CUL1: variants seen among roughly 807,000 people sequenced by gnomAD.
CUL1 encodes cullin 1, also known as cullin-1.
Under a neutral mutation model 118.0 loss-of-function variants are expected in CUL1, and 24 were observed. That is an observed-to-expected ratio of 0.20 (90% CI 0.15 to 0.29). The LOEUF (loss-of-function observed/expected upper bound fraction) is 0.29, where lower values mean the gene tolerates loss of function less well. CUL1 is among the 10% of genes least tolerant of loss of function. CUL1 has a pLI of 1.00. For missense variants in CUL1, 361 were observed against 933.8 expected (o/e 0.39, Z 7.99); for synonymous variants, 332 against 340.4 (o/e 0.98, Z 0.27).
Position 148,784,217 on chromosome 7 carries a change from G to A in CUL1, c.1298+140G>A, listed in dbSNP as rs555915082. ...ATGAGAAAAATGCTTAAACATAATC[G>A]TCCTTGCCGTTGAAAATCTGCATTC... On this transcript the variant is annotated intron_variant, in intron 11 of 21. Coordinates refer to ENST00000325222, the MANE Select transcript of CUL1 (RefSeq NM_003592.3). 22 of 689,454 alleles carry A rather than the reference G, an allele frequency of 3.2e-5. 2 individuals are homozygous for A. In the South Asian group the frequency reaches 3.7e-4, roughly 12 times the overall value. 42.7% of individuals were successfully genotyped at this position (689,454 alleles called of 1,614,324 possible). A position where few individuals can be genotyped will look rare whatever the true frequency, so the allele number is the denominator to read the frequency against.
At chr7:148,791,165 TTAAAG>T (rs1240048112) in intron 16 of CUL1, among the ~76,000 whole-genome samples, 2 of 152,160 alleles carry the variant, frequency 1.3e-5, no homozygotes, top group African/African-American at 2.4e-5. Flanking sequence ...TAGATATTTT[TTAAAG>T]TAAAAAGAAA....
intron 7 of CUL1, among the ~76,000 whole-genome samples, chr7:148,761,236 G>T (rs1799818215): frequency 6.6e-6 from 1 of 152,168 alleles, no homozygotes; most frequent in South Asian, 2.1e-4. Flanking sequence ...GGCTGGGCGT[G>T]GTGGCTCATG....
intron 2 of CUL1, among the ~76,000 whole-genome samples, chr7:148,734,607 G>C (rs552834084): frequency 6.6e-6 from 1 of 152,104 alleles, no homozygotes; most frequent in Non-Finnish European, 1.5e-5. Flanking sequence ...ATAATACCAG[G>C]TTTCTTTCCT....
At chr7:148,762,040 T>C (rs760299319) in intron 7 of CUL1, among the ~76,000 whole-genome samples, 7 of 152,154 alleles carry the variant, frequency 4.6e-5, no homozygotes, top group African/African-American at 1.4e-4. Flanking sequence ...TCACCTCCTG[T>C]TGTGCGGCCC....
intron 2 of CUL1, among the ~76,000 whole-genome samples, chr7:148,748,871 T>A: frequency 6.6e-6 from 1 of 152,270 alleles, no homozygotes; most frequent in African/African-American, 2.4e-5. Context: ...ATTTTGGAAA[T>A]CTAAACTGTT....
chr7:148,720,166 A>G (rs1351319386), intron 1 of CUL1, among the ~76,000 whole-genome samples: 9 of 152,154 alleles, frequency 5.9e-5, no homozygotes, highest in Admixed American at 3.3e-4. Context: ...GGTGTGGGTA[A>G]ATAAAACGCA....
intron 9 of CUL1, 82 bp downstream of exon 9, chr7:148,767,831 C>G: frequency 7.3e-7 from 1 of 1,374,482 alleles, no homozygotes; most frequent in Non-Finnish European, 1.0e-6. Flanking sequence ...GTCTCTACTT[C>G]CAAATCTAAA....
At chr7:148,752,496 T>G (rs544693668) in intron 2 of CUL1, among the ~76,000 whole-genome samples, 16 of 152,310 alleles carry the variant, frequency 1.1e-4, no homozygotes, top group African/African-American at 3.8e-4. Flanking sequence ...TTATTAGGTT[T>G]GGGGGCATTA....
upstream of CUL1, chr7:148,698,881 G>A: frequency 6.4e-6 from 1 of 155,410 alleles, no homozygotes; most frequent in Non-Finnish European, 1.4e-5. Flanking sequence ...GAGGAGGCGG[G>A]CGCCGTGTCG....
intron 1 of CUL1, among the ~76,000 whole-genome samples, chr7:148,709,994 G>C (rs545606783): frequency 6.6e-6 from 1 of 152,162 alleles, no homozygotes; most frequent in East Asian, 1.9e-4. Context: ...GAGGTGGGGG[G>C]ATCGCTTGAG....
chr7:148,782,146 C>G (rs1334808619), intron 9 of CUL1, among the ~76,000 whole-genome samples: 1 of 152,174 alleles, frequency 6.6e-6, no homozygotes, highest in Non-Finnish European at 1.5e-5. Context: ...TGTGAATGTT[C>G]TGGAATAATT....
chr7:148,725,109 AG>A (rs1798518499), intron 1 of CUL1, among the ~76,000 whole-genome samples: 1 of 152,144 alleles, frequency 6.6e-6, no homozygotes, highest in South Asian at 2.1e-4. Context: ...TTATTGTCCC[AG>A]GCAGTTTTAC....
At chr7:148,753,589 A>G (rs1455453871) in intron 2 of CUL1, among the ~76,000 whole-genome samples, 4 of 152,266 alleles carry the variant, frequency 2.6e-5, no homozygotes, top group African/African-American at 9.6e-5. Flanking sequence ...ACAGCTGAGC[A>G]TCATAATAGA....
At chr7:148,728,659 C>T (rs561428907) in intron 1 of CUL1, among the ~76,000 whole-genome samples, 23 of 152,134 alleles carry the variant, frequency 1.5e-4, no homozygotes, top group African/African-American at 4.1e-4. Flanking sequence ...CATACCAATT[C>T]GAATGTAAGA....
chr7:148,713,386 G>A (rs374972519), intron 1 of CUL1, among the ~76,000 whole-genome samples: 2 of 152,098 alleles, frequency 1.3e-5, no homozygotes, highest in Non-Finnish European at 2.9e-5. Context: ...CAGGTTTTCC[G>A]GAGCAATTTA....
chr7:148,768,533 C>T (rs1338562328), intron 9 of CUL1, among the ~76,000 whole-genome samples: 1 of 151,758 alleles, frequency 6.6e-6, no homozygotes, highest in East Asian at 1.9e-4. Context: ...TACAGCCGCT[C>T]GCCACCATTC....
intron 2 of CUL1, among the ~76,000 whole-genome samples, chr7:148,742,597 G>GTTTTTTTTT (rs1491215871): frequency 5.0e-5 from 5 of 100,728 alleles, no homozygotes; most frequent in South Asian, 3.9e-4. Flanking sequence ...TACCTTTTCT[G>GTTTTTTTTT]GTTTTTTTTT....
chr7:148,727,274 A>C (rs560521633), intron 1 of CUL1, among the ~76,000 whole-genome samples: 1 of 152,232 alleles, frequency 6.6e-6, no homozygotes, highest in Non-Finnish European at 1.5e-5. Flanking sequence ...GCAAGACATA[A>C]ATTTTAGCCC....
Position 148,730,222 on chromosome 7 carries a change from C to A in CUL1, c.100C>A (p.Arg34=), listed in dbSNP as rs764038122. 1.2e-6 allele frequency: 2 copies of A among 1,613,948 alleles called. No individual in the cohort carries two copies. Among genetic ancestry groups the A allele is most frequent in the African/African-American group, 2.7e-5 (2 of 74,908 alleles). Residue 34 remains arginine, a synonymous_variant, in exon 2 of 22, where the codon CGG becomes AGG. Coordinates refer to ENST00000325222, the MANE Select transcript of CUL1 (RefSeq NM_003592.3). ...LRAGIQQVYT[R]QSMAKSRYME... ...AGCCGGCATCCAGCAGGTGTACACA[C>A]GGCAGAGCATGGCCAAGTCCAGATA...
Sources: gnomAD v4.1 joint callset for allele counts (sites outside exome capture counted in the v4.1 genomes callset) on GRCh38, gnomAD v4.1.1 for gene constraint, MANE v1.5 for transcripts, NCBI Gene and HGNC (gene_info 2026-07-23, HGNC 2026-07-21) for gene names.